The following CFAP43 variants were observed in gnomAD, a reference collection of about 807,000 sequenced individuals.
CFAP43 encodes the protein cilia- and flagella-associated protein 43.
CFAP43 carries 155 observed loss-of-function variants against 218.9 expected under a neutral mutation model. The observed-to-expected ratio is 0.71, with a 90% CI of 0.62 to 0.81. The LOEUF (loss-of-function observed/expected upper bound fraction) is 0.81, where lower values mean the gene tolerates loss of function less well. CFAP43 is among the 30% of genes least tolerant of loss of function. The probability of loss-of-function intolerance (pLI) is 0.00; values close to 1 mark genes in which losing one functional copy is unlikely to be tolerated. For missense variants in CFAP43, 1,778 were observed against 1,954.3 expected (o/e 0.91, Z 1.70); for synonymous variants, 645 against 681.3 (o/e 0.95, Z 0.83).
At chr10:104,136,281 A>G (rs1437954489) in intron 34 of CFAP43, among the ~76,000 whole-genome samples, 1 of 149,348 alleles carries the variant, frequency 6.7e-6, no homozygotes, top group African/African-American at 2.5e-5. Context: ...AAAAAAAAGA[A>G]GAAAAGAAAA....
chr10:104,199,904 G>A (rs1045530204), intron 8 of CFAP43, among the ~76,000 whole-genome samples: 1 of 152,086 alleles, frequency 6.6e-6, no homozygotes, highest in African/African-American at 2.4e-5. Flanking sequence ...AGATAACGAA[G>A]GAATTCTCAA....
rs1169874970 is a variant in CFAP43 at position 104,142,316 on chromosome 10, T to C, written c.4236A>G (p.Gln1412=). Reference sequence around the variant, plus strand: ...CATGGAACACTCTCTCAATCTCCTGTTGCACCTTCTCTTCCTCCTCAACTC... The same window carrying C: ...CATGGAACACTCTCTCAATCTCCTGCTGCACCTTCTCTTCCTCCTCAACTC... ...QKRVEEEEKV[Q]QEIERVFHEL... Residue 1412 remains glutamine, a synonymous_variant, in exon 33 of 38, where the codon CAA becomes CAG. Transcript: ENST00000357060. The C allele has an allele frequency of 6.2e-7, 1 of 1,613,742 alleles. No homozygotes were observed.
chr10:104,155,280 C>T (rs2088483055), intron 27 of CFAP43, among the ~76,000 whole-genome samples: 1 of 152,084 alleles, frequency 6.6e-6, no homozygotes, highest in Non-Finnish European at 1.5e-5. Flanking sequence ...CATCCAAGGG[C>T]AACAACATTC....
intron 10 of CFAP43, among the ~76,000 whole-genome samples, chr10:104,196,144 A>G (rs755566966): frequency 2.6e-5 from 4 of 152,212 alleles, no homozygotes; most frequent in East Asian, 1.9e-4. Flanking sequence ...GTGTACCTCA[A>G]TGAAGCCTAA....
chr10:104,158,650 A>T (rs2088706589), intron 27 of CFAP43, among the ~76,000 whole-genome samples: 1 of 152,252 alleles, frequency 6.6e-6, no homozygotes, highest in African/African-American at 2.4e-5. Flanking sequence ...CAATAAAAAA[A>T]GTTATGAAGG....
At chr10:104,151,439 G>A (rs1175609594) in intron 28 of CFAP43, among the ~76,000 whole-genome samples, 2 of 152,074 alleles carry the variant, frequency 1.3e-5, no homozygotes, top group Non-Finnish European at 2.9e-5. Context: ...TAGCCATTCT[G>A]ACTAGTGTGA....
In CFAP43 at chr10:104,196,875, C is replaced by A. The variant is rs1206660522; in HGVS notation, c.1271G>T (p.Ser424Ile). 4 of 1,612,506 alleles carry A rather than the reference C, an allele frequency of 2.5e-6. No homozygotes were observed. Among genetic ancestry groups the A allele is most frequent in the African/African-American group, 1.3e-5 (1 of 74,862 alleles). Residue 424 changes from serine (S) to isoleucine (I), a missense_variant, in exon 10 of 38, where the codon AGC becomes ATC. Coordinates refer to ENST00000357060, the MANE Select transcript of CFAP43 (RefSeq NM_025145.7). ...TACTAGGGTATTCAGATAAATCTTG[C>A]TTACACAAGCACAATCCTCCAGCCA... ...VWWLEDCACV[S>I]KIYLNTLATV... is the part of the protein sequence containing the mutation.
At chr10:104,205,898 A>G (rs1338465884) in intron 7 of CFAP43, 65 bp downstream of exon 7, 1 of 1,370,096 alleles carries the variant, frequency 7.3e-7, no homozygotes, top group Non-Finnish European at 1.0e-6. Flanking sequence ...ATAATAGTAA[A>G]TGGCAACAAA....
intron 7 of CFAP43, among the ~76,000 whole-genome samples, chr10:104,204,842 A>G (rs2090632352): frequency 6.6e-6 from 1 of 152,218 alleles, no homozygotes; most frequent in South Asian, 2.1e-4. Flanking sequence ...CATCTGGGAT[A>G]GTTACAACTA....
chr10:104,141,260 G>A, intron 33 of CFAP43, among the ~76,000 whole-genome samples: 1 of 152,166 alleles, frequency 6.6e-6, no homozygotes, highest in East Asian at 1.9e-4. Context: ...AGAAAAGATT[G>A]TATAATTTTG....
chr10:104,206,280 G>A (rs144951362), intron 6 of CFAP43, among the ~76,000 whole-genome samples: 105 of 152,250 alleles, frequency 6.9e-4, no homozygotes, highest in South Asian at 1.2e-3. Context: ...CAGTTTTACA[G>A]GGAAAGTGAG....
chr10:104,161,500 C>T (rs1589671659), intron 26 of CFAP43, among the ~76,000 whole-genome samples: 1 of 152,214 alleles, frequency 6.6e-6, no homozygotes, highest in African/African-American at 2.4e-5. Context: ...TGGATAATTA[C>T]TGATGAAACA....
chr10:104,232,204 C>A lies in CFAP43; in HGVS notation c.43G>T (p.Gly15Cys). Residue 15 changes from glycine (G) to cysteine (C), a missense_variant, in exon 1 of 38, where the codon GGC becomes TGC. Transcript: ENST00000357060. ...CACCTCACGGACAAGGACGCGCCGC[C>A]GGCGGAGTGGGGGCCTTCGTCGCGC... ...RERDEGPHSA[G>C]GASLSVRWVQ... is the part of the protein sequence containing the mutation. The A allele has an allele frequency of 6.2e-7, 1 of 1,609,394 alleles. No homozygotes were observed. Among genetic ancestry groups the A allele is most frequent in the Non-Finnish European group, 8.5e-7 (1 of 1,178,578 alleles).
chr10:104,176,700 A>G (rs959695628), intron 19 of CFAP43, among the ~76,000 whole-genome samples: 1 of 152,218 alleles, frequency 6.6e-6, no homozygotes, highest in Non-Finnish European at 1.5e-5. Flanking sequence ...CAAGCAAGGC[A>G]ATCTTCGAAG....
At chr10:104,143,304 G>T in intron 32 of CFAP43, 122 bp downstream of exon 32, 1 of 826,890 alleles carries the variant, frequency 1.2e-6, no homozygotes, top group Non-Finnish European at 1.8e-6. Flanking sequence ...TTATTACTAT[G>T]ACCAAATACT....
At position 104,182,077 on chromosome 10, in the gene CFAP43, G is replaced by C. The variant is rs1416627319; in HGVS notation, c.2289+289C>G. 2.0e-5 allele frequency among the ~76,000 whole-genome samples: 3 copies of C among 152,190 alleles called. No individual in the cohort carries two copies. The South Asian group carries it at 6.2e-4, about 32-fold the overall frequency. On this transcript the variant is annotated intron_variant, in intron 17 of 37. Transcript: ENST00000357060. Reference sequence around the variant, plus strand: ...AATATCTGTAATATGAAAGTATAGAGAGACCATTTTGACCAAGCACAAGTG... The same window carrying C: ...AATATCTGTAATATGAAAGTATAGACAGACCATTTTGACCAAGCACAAGTG...
chr10:104,145,388 A>G, intron 31 of CFAP43, 88 bp downstream of exon 31: 1 of 761,726 alleles, frequency 1.3e-6, no homozygotes. Context: ...ATTCCATTTA[A>G]TTGGGAGAAA....
intron 27 of CFAP43, among the ~76,000 whole-genome samples, chr10:104,158,770 T>G (rs1353955072): frequency 6.6e-6 from 1 of 152,122 alleles, no homozygotes; most frequent in Non-Finnish European, 1.5e-5. Context: ...GAAGAATATT[T>G]TTGTTCTTAG....
chr10:104,193,689 G>C, intron 11 of CFAP43, 177 bp downstream of exon 11: 1 of 774,202 alleles, frequency 1.3e-6, no homozygotes, highest in East Asian at 2.9e-5. Context: ...CCTGGGTATG[G>C]GGGGTACTTT....
Sources: gnomAD v4.1 joint callset for allele counts (sites outside exome capture counted in the v4.1 genomes callset) on GRCh38, gnomAD v4.1.1 for gene constraint, MANE v1.5 for transcripts, NCBI Gene and HGNC (gene_info 2026-07-23, HGNC 2026-07-21) for gene names.